DDX49: variants seen among roughly 807,000 people sequenced by gnomAD.
DDX49 encodes probable ATP-dependent RNA helicase DDX49.
A neutral mutation model predicts 56.3 loss-of-function variants in DDX49; 50 were observed. The ratio of observed to expected loss-of-function variants is 0.89; its 90% CI spans 0.71 to 1.12. The LOEUF (loss-of-function observed/expected upper bound fraction) is 1.12, where lower values mean the gene tolerates loss of function less well. Ranked by LOEUF, DDX49 falls within the 50% of genes most tolerant of loss-of-function variation. The pLI, the probability that DDX49 is intolerant of heterozygous loss-of-function variation, is 0.00. For missense variants in DDX49, 614 were observed against 650.5 expected (o/e 0.94, Z 0.61); for synonymous variants, 269 against 270.6 (o/e 0.99, Z 0.06).
At chr19:18,925,200 C>CACTTGAACCCGGGAGGTTGCGGCAAGT in intron 9 of DDX49, 1 of 476,938 alleles carries the variant, frequency 2.1e-6, no homozygotes, top group Non-Finnish European at 3.6e-6. Context: ...TTGCGGCAAG[C>CACTTGAACCCGGGAGGTTGCGGCAAGT]TGAGAATGCA....
Position 18,928,512 on chromosome 19 carries a change from G to A in DDX49, c.*196G>A. On this transcript the variant is annotated 3_prime_UTR_variant, in exon 13 of 13. Transcript: ENST00000247003. ...GGTCCCTTCCCTGAGCCCTGGCCAA[G>A]ATTCAGGCTGCAGGGGAAGAAAGAA... 1.7e-6 allele frequency: 1 copy of A among 584,824 alleles called. No individual in the cohort carries two copies. Among genetic ancestry groups the A allele is most frequent in the African/African-American group, 1.9e-5 (1 of 53,052 alleles). The allele number at this position is 584,824 out of a possible 1,614,324, so 36.2% of individuals were successfully genotyped here.
rs755197633 is a variant in DDX49, at chr19:18,928,246, A to C, written c.1382A>C (p.His461Pro). The change falls in exon 13 of 13, where the codon CAC becomes CCC. Residue 461 changes from histidine (H) to proline (P), a missense_variant. Coordinates refer to ENST00000247003, the MANE Select transcript of DDX49 (RefSeq NM_019070.5). ...CGACAGAAGGCTGGCAGGGCTGGCC[A>C]CAAGGGGCGTCCACCCAGGACACCG... is the stretch of plus-strand genomic sequence containing the variant. Reference protein sequence around the residue: ...LKRQKAGRAGHKGRPPRTPSG... With the variant: ...LKRQKAGRAGPKGRPPRTPSG... 1.3e-6 allele frequency: 2 copies of C among 1,588,224 alleles called. No homozygotes were observed. Among genetic ancestry groups the C allele is most frequent in the East Asian group, 4.6e-5 (2 of 43,720 alleles).
intron 2 of DDX49, 49 bp from the exon 3 acceptor site, chr19:18,921,614 C>A: frequency 6.4e-7 from 1 of 1,553,942 alleles, no homozygotes; most frequent in Non-Finnish European, 8.9e-7. Flanking sequence ...GAATGGGGGG[C>A]AGGTCCAGAA....
At position 18,928,414 on chromosome 19, in the gene DDX49, C is replaced by T. The variant is rs946221066; in HGVS notation, c.*98C>T. 3.0e-5 allele frequency: 37 copies of T among 1,213,574 alleles called. No homozygotes were observed. The highest frequency in any genetic ancestry group is 3.9e-5 in the Non-Finnish European group (35 of 897,338). The allele number at this position is 1,213,574 out of a possible 1,614,324, so 75.2% of individuals were successfully genotyped here. On this transcript the variant is annotated 3_prime_UTR_variant, in exon 13 of 13. Coordinates refer to ENST00000247003, the MANE Select transcript of DDX49 (RefSeq NM_019070.5). Reference sequence around the variant, plus strand: ...CAGCAGCCCTTCCCGGGGGCCTACCCAGTGCCCCACAGCAGAACCCGTGGG... The same window carrying T: ...CAGCAGCCCTTCCCGGGGGCCTACCTAGTGCCCCACAGCAGAACCCGTGGG...
chr19:18,920,475 T>A, intron 1 of DDX49, 105 bp from the exon 2 acceptor site: 1 of 1,272,228 alleles, frequency 7.9e-7, no homozygotes, highest in East Asian at 2.5e-5. Context: ...TGGATATGGG[T>A]TCCAGTCCAG....
At chr19:18,920,520 T>C (rs2056905730) in intron 1 of DDX49, 60 bp from the exon 2 acceptor site, 1 of 1,527,282 alleles carries the variant, frequency 6.5e-7, no homozygotes, top group Non-Finnish European at 8.9e-7. Flanking sequence ...CTGGGCAAGG[T>C]CTCTGAAACC....
At chr19:18,924,435 T>C in intron 7 of DDX49, 127 bp downstream of exon 7, 1 of 1,128,004 alleles carries the variant, frequency 8.9e-7, no homozygotes. Context: ...TCCCAGAATA[T>C]CGCAGCTCAA....
At position 18,924,301 on chromosome 19, in the gene DDX49, T is replaced by C. The variant is rs1193082036; in HGVS notation, c.845T>C (p.Met282Thr). ...CCCACCGTGGCTCTGCACTCCATGA[T>C]GAAGCAGGTGAGGCCACCCTGGGGC... The part of the protein sequence containing the change: ...SFPTVALHSM[M>T]KQKERFAALA... The change falls in exon 7 of 13, where the codon ATG (methionine) becomes ACG (threonine). Residue 282 changes from methionine (M) to threonine (T), a missense_variant. Physicochemically the swap from Met to Thr is moderately conservative, Grantham distance 81. Transcript: ENST00000247003. The C allele has an allele frequency of 1.2e-6, 2 of 1,613,454 alleles. No individual in the cohort carries two copies. The highest frequency in any genetic ancestry group is 2.7e-5 in the African/African-American group (2 of 74,828).
chr19:18,924,117 T>C lies in DDX49; in HGVS notation c.777-116T>C. 5.9e-6 allele frequency: 6 copies of C among 1,012,360 alleles called. No homozygotes were observed. The South Asian group carries it at 7.8e-5, about 13-fold the overall frequency. 62.7% of individuals were successfully genotyped at this position (1,012,360 alleles called of 1,614,324 possible). On this transcript the variant is annotated intron_variant, in intron 6 of 12. Transcript: ENST00000247003. Reference sequence around the variant, plus strand: ...GCCACCGTGCCTGGCCTGCTGCCTCTCCTTTCTAAGCTGCATGAGGCCACT... The same window carrying C: ...GCCACCGTGCCTGGCCTGCTGCCTCCCCTTTCTAAGCTGCATGAGGCCACT...
intron 6 of DDX49, among the ~76,000 whole-genome samples, chr19:18,923,853 G>C (rs904832715): frequency 6.7e-6 from 1 of 149,572 alleles, no homozygotes; most frequent in Non-Finnish European, 1.5e-5. Flanking sequence ...TGTCCCCCAG[G>C]CTGGAGTGCA....
chr19:18,924,553 C>T (rs2056945454), intron 7 of DDX49, 70 bp from the exon 8 acceptor site: 1 of 1,543,802 alleles, frequency 6.5e-7, no homozygotes. Context: ...CGGCCTCCAC[C>T]CTGTCCCGAG....
In DDX49 at chr19:18,926,393, GTGGGTGGTAGAGAAGGAGGGGT is replaced by G; in HGVS notation, c.1102+17_1102+38del. On this transcript the variant is annotated intron_variant, in intron 10 of 12. Coordinates refer to ENST00000247003, the MANE Select transcript of DDX49 (RefSeq NM_019070.5). ...GAGCAGATCAGTGAGTGGGGTTGGG[GTGGGTGGTAGAGAAGGAGGGGT>G]GGGGTGGGCAGAGGTGGGCACCTCG... 5 of 1,538,746 alleles carry G rather than the reference GTGGGTGGTAGAGAAGGAGGGGT, an allele frequency of 3.2e-6. No homozygotes were observed. In the Admixed American group the frequency reaches 1.0e-4, roughly 31 times the overall value.
At position 18,919,763 on chromosome 19, in the gene DDX49, G is replaced by T; in HGVS notation, c.22G>T (p.Gly8Trp). The T allele has an allele frequency of 6.2e-7, 1 of 1,611,972 alleles. No individual in the cohort carries two copies. The highest frequency in any genetic ancestry group is 8.5e-7 in the Non-Finnish European group (1 of 1,178,478). ...AAGGATGGCAGGCTTCGCGGAGCTC[G>T]GGCTGTCATCGTGGCTCGTGGAACA... MAGFAEL[G>W]LSSWLVEQCR... Residue 8 changes from glycine (G) to tryptophan (W), a missense_variant, in exon 1 of 13, where the codon GGG becomes TGG. Physicochemically the swap from Gly to Trp is radical, Grantham distance 184. Transcript: ENST00000247003.
At position 18,921,490 on chromosome 19, in the gene DDX49, C is replaced by T. The variant is rs527610089; in HGVS notation, c.240-173C>T. ...GAGGGATGTTCCAGGCTGAGCCTGG[C>T]GAGGGGGCAGGGGCCACAATGGCCT... is the stretch of plus-strand genomic sequence containing the variant. On this transcript the variant is annotated intron_variant, in intron 2 of 12. Transcript: ENST00000247003. Among the ~76,000 whole-genome samples the T allele has an allele frequency of 2.0e-4, 30 of 152,180 alleles. No individual in the cohort carries two copies. The East Asian group carries it at 3.9e-3, about 20-fold the overall frequency.
At chr19:18,925,490 G>A (rs2056953917) in intron 9 of DDX49, among the ~76,000 whole-genome samples, 1 of 152,224 alleles carries the variant, frequency 6.6e-6, no homozygotes, top group African/African-American at 2.4e-5. Context: ...GGGAAGCGGA[G>A]GTTGCAATGA....
At position 18,921,982 on chromosome 19, in the gene DDX49, C is replaced by T. The variant is rs780770541; in HGVS notation, c.447+18C>T. 1 of 1,596,106 alleles carries T rather than the reference C, an allele frequency of 6.3e-7. No homozygotes were observed. The highest frequency in any genetic ancestry group is 2.2e-5 in the East Asian group (1 of 44,540). ...GCTTCCTGGTGAGTTCGCCCCGCCCCTGCAGACCTCAGGAGCTGGGCTCGG... is the reference window on the plus strand; with the variant it reads ...GCTTCCTGGTGAGTTCGCCCCGCCCTTGCAGACCTCAGGAGCTGGGCTCGG... On this transcript the variant is annotated intron_variant, in intron 4 of 12. Coordinates refer to ENST00000247003, the MANE Select transcript of DDX49 (RefSeq NM_019070.5).
Position 18,919,819 on chromosome 19 carries a change from G to C in DDX49, c.78G>C (p.Thr26=). The change falls in exon 1 of 13, where the codon ACG becomes ACC. Residue 26 remains threonine (T), a synonymous_variant. Coordinates refer to ENST00000247003, the MANE Select transcript of DDX49 (RefSeq NM_019070.5). ...GGCAGCTGGGTTTGAAGCAGCCCAC[G>C]CCCGTGCAGCTCGGCTGCATCCCCG... is the stretch of plus-strand genomic sequence containing the variant. ...QCRQLGLKQP[T]PVQLGCIPAI... 1 of 1,607,880 alleles carries C rather than the reference G, an allele frequency of 6.2e-7. No individual in the cohort carries two copies. The highest frequency in any genetic ancestry group is 1.7e-5 in the Admixed American group (1 of 59,952).
rs929230791 is a variant in DDX49, at chr19:18,919,822, C to G, written c.81C>G (p.Pro27=). 1 of 1,606,518 alleles carries G rather than the reference C, an allele frequency of 6.2e-7. No homozygotes were observed. The highest frequency in any genetic ancestry group is 1.3e-5 in the African/African-American group (1 of 74,830). ...AGCTGGGTTTGAAGCAGCCCACGCC[C>G]GTGCAGCTCGGCTGCATCCCCGCCA... The part of the protein sequence containing the change: ...CRQLGLKQPT[P]VQLGCIPAIL... Residue 27 remains proline (P), a synonymous_variant, in exon 1 of 13, where the codon CCC becomes CCG. Coordinates refer to ENST00000247003, the MANE Select transcript of DDX49 (RefSeq NM_019070.5).
chr19:18,920,473 G>C, intron 1 of DDX49, 107 bp from the exon 2 acceptor site: 2 of 1,229,976 alleles, frequency 1.6e-6, no homozygotes. Flanking sequence ...AATGGATATG[G>C]GTTCCAGTCC....
Sources: gnomAD v4.1 joint callset for allele counts (sites outside exome capture counted in the v4.1 genomes callset) on GRCh38, gnomAD v4.1.1 for gene constraint, MANE v1.5 for transcripts, NCBI Gene and HGNC (gene_info 2026-07-23, HGNC 2026-07-21) for gene names.